The following ST3GAL3 variants were observed in gnomAD, a reference collection of about 807,000 sequenced individuals.
ST3GAL3 encodes the protein CMP-N-acetylneuraminate-beta-1,4-galactoside alpha-2,3-sialyltransferase.
ST3GAL3 carries 21 observed loss-of-function variants against 50.1 expected under a neutral mutation model. That is an observed-to-expected ratio of 0.42 (90% CI 0.30 to 0.60). The LOEUF is 0.60. Ranked by LOEUF, ST3GAL3 falls within the 20% of genes least tolerant of loss-of-function variation. The pLI is 0.19. For missense variants in ST3GAL3, 353 were observed against 489.4 expected (o/e 0.72, Z 2.63); for synonymous variants, 183 against 190.0 (o/e 0.96, Z 0.30).
intron 5 of ST3GAL3, among the ~76,000 whole-genome samples, chr1:43,876,052 C>T (rs1438577146): frequency 4.6e-5 from 7 of 151,616 alleles, no homozygotes; most frequent in Middle Eastern, 3.2e-3. Context: ...ACTGCAGCCT[C>T]GACATTCCAG....
chr1:43,797,137 A>T (rs2058766457), intron 3 of ST3GAL3, among the ~76,000 whole-genome samples: 1 of 152,204 alleles, frequency 6.6e-6, no homozygotes, highest in Admixed American at 6.5e-5. Context: ...GCAGTTAGCT[A>T]TGATCACACC....
intron 2 of ST3GAL3, among the ~76,000 whole-genome samples, chr1:43,764,716 C>T (rs72886813): frequency 0.012 from 1,825 of 152,342 alleles, 42 homozygotes; most frequent in African/African-American, 0.042. Flanking sequence ...TGTGCCTTTA[C>T]AGCTCCTCCT....
At position 43,813,174 on chromosome 1, in the gene ST3GAL3, C is replaced by T. The variant is rs575127175; in HGVS notation, c.167-1717C>T. 4.6e-5 allele frequency among the ~76,000 whole-genome samples: 7 copies of T among 152,206 alleles called. No homozygotes were observed. In the South Asian group the frequency reaches 1.0e-3, roughly 23 times the overall value. ...TTCTCTGGCCTCTCTGGAAGGAATC[C>T]GCCTAAGTATGGATTAATTGTCTAA... On this transcript the variant is annotated intron_variant, in intron 3 of 11. Coordinates refer to ENST00000347631, the MANE Select transcript of ST3GAL3 (RefSeq NM_006279.5).
intron 5 of ST3GAL3, among the ~76,000 whole-genome samples, chr1:43,879,960 C>T (rs1002431575): frequency 6.6e-6 from 1 of 152,234 alleles, no homozygotes; most frequent in Non-Finnish European, 1.5e-5. Flanking sequence ...TGGCGACACA[C>T]AAACACAGCC....
At chr1:43,781,413 C>T (rs952547983) in intron 2 of ST3GAL3, among the ~76,000 whole-genome samples, 5 of 151,918 alleles carry the variant, frequency 3.3e-5, no homozygotes, top group African/African-American at 1.2e-4. Flanking sequence ...AATTTGAAAC[C>T]AGCCTGGGCA....
At chr1:43,923,196 G>A (rs996615120) in intron 11 of ST3GAL3, among the ~76,000 whole-genome samples, 1 of 150,514 alleles carries the variant, frequency 6.6e-6, no homozygotes, top group Non-Finnish European at 1.5e-5. Context: ...AGCCCAGGAA[G>A]TCAAGGCTGC....
chr1:43,871,125 G>A (rs2072601405), intron 5 of ST3GAL3, among the ~76,000 whole-genome samples: 1 of 152,198 alleles, frequency 6.6e-6, no homozygotes, highest in South Asian at 2.1e-4. Context: ...CCAGAAGGGA[G>A]CAGCCATGGC....
intron 11 of ST3GAL3, among the ~76,000 whole-genome samples, chr1:43,929,813 G>T (rs2084743766): frequency 6.6e-6 from 1 of 152,186 alleles, no homozygotes; most frequent in African/African-American, 2.4e-5. Flanking sequence ...ATGACAAGAA[G>T]TGGCTTGAAG....
chr1:43,709,110 G>A (rs571911212), intron 1 of ST3GAL3, among the ~76,000 whole-genome samples: 1 of 152,168 alleles, frequency 6.6e-6, no homozygotes, highest in Non-Finnish European at 1.5e-5. Flanking sequence ...ATGAAGAGTG[G>A]GTAGCCGGCT....
chr1:43,808,204 T>C (rs985950449), intron 3 of ST3GAL3, among the ~76,000 whole-genome samples: 3 of 150,900 alleles, frequency 2.0e-5, no homozygotes, highest in Non-Finnish European at 2.9e-5. Context: ...CTCGGGAGGC[T>C]GAAGCAGGAG....
intron 5 of ST3GAL3, chr1:43,858,098 G>A (rs752013856): frequency 7.1e-5 from 91 of 1,288,582 alleles, no homozygotes; most frequent in Non-Finnish European, 8.2e-5. Context: ...CAACCTTTCT[G>A]AGCCTCACCT....
chr1:43,924,726 A>T (rs767092926), intron 11 of ST3GAL3, among the ~76,000 whole-genome samples: 1 of 152,238 alleles, frequency 6.6e-6, no homozygotes, highest in Admixed American at 6.5e-5. Flanking sequence ...TCTTCGGCTA[A>T]GGCGATTAGT....
rs1393195161 is a variant in ST3GAL3, at chr1:43,726,151, TAC to T, written c.-30-10080_-30-10079del. ...ATTTACAAAAGAGTTGTAGAAATAT[TAC>T]AAAGAACTCCCATATGTCCCCTTCA... On this transcript the variant is annotated intron_variant, in intron 1 of 11. Transcript: ENST00000347631. Among the ~76,000 whole-genome samples, 4 of 152,318 alleles carry T rather than the reference TAC, an allele frequency of 2.6e-5. No homozygotes were observed. The South Asian group carries it at 6.2e-4, about 24-fold the overall frequency.
intron 5 of ST3GAL3, among the ~76,000 whole-genome samples, chr1:43,863,490 A>G (rs1045709917): frequency 6.6e-6 from 1 of 152,222 alleles, no homozygotes; most frequent in East Asian, 1.9e-4. Flanking sequence ...GTCCCCTGGC[A>G]CATTCACACA....
In ST3GAL3 at chr1:43,762,669, A is replaced by G. The variant is rs189300461; in HGVS notation, c.118+26289A>G. Among the ~76,000 whole-genome samples the G allele has an allele frequency of 2.0e-5, 3 of 152,316 alleles. No homozygotes were observed. In the East Asian group the frequency reaches 5.8e-4, roughly 29 times the overall value. Reference sequence around the variant, plus strand: ...TGTGTGTATCTCCATAGTTATACATACATAAGCATATATATTATATATAGG... The same window carrying G: ...TGTGTGTATCTCCATAGTTATACATGCATAAGCATATATATTATATATAGG... On this transcript the variant is annotated intron_variant, in intron 2 of 11. Coordinates refer to ENST00000347631, the MANE Select transcript of ST3GAL3 (RefSeq NM_006279.5).
intron 4 of ST3GAL3, among the ~76,000 whole-genome samples, chr1:43,835,152 A>C (rs2154194986): frequency 6.6e-6 from 1 of 152,304 alleles, no homozygotes; most frequent in South Asian, 2.1e-4. Flanking sequence ...GGCCAGCTGC[A>C]GAGTAGGAGA....
At chr1:43,879,797 C>T (rs1033990617) in intron 5 of ST3GAL3, among the ~76,000 whole-genome samples, 1 of 152,352 alleles carries the variant, frequency 6.6e-6, no homozygotes, top group South Asian at 2.1e-4. Context: ...GCTCCTGCAC[C>T]GTGACCCTGC....
intron 9 of ST3GAL3, chr1:43,913,262 CATA>C (rs1394253804): frequency 1.3e-5 from 2 of 152,256 alleles, no homozygotes; most frequent in African/African-American, 4.8e-5. Flanking sequence ...TCACTATAAT[CATA>C]ATAAGTAAGA....
chr1:43,805,758 C>T (rs914729747), intron 3 of ST3GAL3, among the ~76,000 whole-genome samples: 3 of 152,098 alleles, frequency 2.0e-5, no homozygotes, highest in Non-Finnish European at 4.4e-5. Context: ...TCTTTTTTGA[C>T]GGAGTCTCAC....
Sources: allele counts gnomAD v4.1 joint callset (sites outside exome capture counted in the v4.1 genomes callset), GRCh38; gene constraint gnomAD v4.1.1; transcripts MANE v1.5; gene names NCBI Gene and HGNC (gene_info 2026-07-23, HGNC 2026-07-21).